The following FBXW7 variants were observed in gnomAD, a reference collection of about 807,000 sequenced individuals.
The protein encoded by FBXW7 is F-box/WD repeat-containing protein 7.
FBXW7 carries 11 observed loss-of-function variants against 86.3 expected under a neutral mutation model. The observed-to-expected ratio is 0.13, with a 90% CI of 0.08 to 0.21. FBXW7 has a LOEUF of 0.21. Ranked by LOEUF, FBXW7 falls within the 10% of genes least tolerant of loss-of-function variation. FBXW7 has a pLI of 1.00. For missense variants in FBXW7, 488 were observed against 847.4 expected (o/e 0.58, Z 5.27); for synonymous variants, 313 against 297.9 (o/e 1.05, Z -0.52).
intron 2 of FBXW7, among the ~76,000 whole-genome samples, chr4:152,445,506 C>T (rs886209625): frequency 6.6e-6 from 1 of 152,112 alleles, no homozygotes; most frequent in African/African-American, 2.4e-5. Flanking sequence ...CTGCTATTTC[C>T]CAGTTGTGTG....
rs573422966 is a variant in FBXW7 at position 152,500,210 on chromosome 4, C to G, written c.-120+34731G>C. On this transcript the variant is annotated intron_variant, in intron 2 of 13. Transcript: ENST00000281708. ...AAGTGAATGGTCACAGTGATAAATC[C>G]ACTCCATCAGTTCTATTTCCTTTAA... Among the ~76,000 whole-genome samples, 5 of 152,150 alleles carry G rather than the reference C, an allele frequency of 3.3e-5. No homozygotes were observed. The East Asian group carries it at 9.7e-4, about 29-fold the overall frequency.
At chr4:152,424,790 T>C (rs1010170545) in intron 2 of FBXW7, among the ~76,000 whole-genome samples, 2 of 152,234 alleles carry the variant, frequency 1.3e-5, no homozygotes, top group Admixed American at 1.3e-4. Context: ...TAGAGTCAGC[T>C]AGTTATTAGG....
chr4:152,535,205 T>G lies in FBXW7; in HGVS notation c.-291A>C, dbSNP rs899992993. ...GGCCACTTCTCCCGGGACAGTCAGG[T>G]TTGGGAGACTCCGGATTTTGTTTTT... On this transcript the variant is annotated 5_prime_UTR_variant, in exon 1 of 14. Coordinates refer to ENST00000281708, the MANE Select transcript of FBXW7 (RefSeq NM_001349798.2). 5 of 164,066 alleles carry G rather than the reference T, an allele frequency of 3.0e-5. No homozygotes were observed. The highest frequency in any genetic ancestry group is 6.6e-5 in the Non-Finnish European group (5 of 76,186). The allele number at this position is 164,066 out of a possible 1,614,324, so 10.2% of individuals were successfully genotyped here.
At chr4:152,341,133 C>G (rs1175849187) in intron 6 of FBXW7, among the ~76,000 whole-genome samples, 2 of 152,234 alleles carry the variant, frequency 1.3e-5, no homozygotes, top group Non-Finnish European at 2.9e-5. Flanking sequence ...CTATTCTCCA[C>G]ACTGTACTCA....
intron 2 of FBXW7, among the ~76,000 whole-genome samples, chr4:152,417,912 G>A (rs1738592258): frequency 6.6e-6 from 1 of 152,106 alleles, no homozygotes; most frequent in Non-Finnish European, 1.5e-5. Context: ...AGGACAATAG[G>A]AGGGTAGTAG....
chr4:152,498,133 G>A (rs1208138478), intron 2 of FBXW7, among the ~76,000 whole-genome samples: 1 of 152,098 alleles, frequency 6.6e-6, no homozygotes, highest in Non-Finnish European at 1.5e-5. Context: ...TAGATACACA[G>A]GTGTTTGTTA....
At chr4:152,357,057 C>T (rs1291535925) in intron 4 of FBXW7, among the ~76,000 whole-genome samples, 2 of 152,054 alleles carry the variant, frequency 1.3e-5, no homozygotes, top group African/African-American at 4.8e-5. Context: ...TTTTTGAGAA[C>T]ATGTAAAATA....
rs140237139 is a variant in FBXW7 at position 152,527,042 on chromosome 4, T to C, written c.-120+7899A>G. Among the ~76,000 whole-genome samples, 26 of 152,374 alleles carry C rather than the reference T, an allele frequency of 1.7e-4. No individual in the cohort carries two copies. In the East Asian group the frequency reaches 4.4e-3, roughly 26 times the overall value. On this transcript the variant is annotated intron_variant, in intron 2 of 13. Transcript: ENST00000281708. ...TATCTACAACACACTTTAAAACAAC[T>C]TTAACTTAATAAATTAACACTGATG...
chr4:152,443,659 G>A (rs1277880311), intron 2 of FBXW7, among the ~76,000 whole-genome samples: 1 of 151,982 alleles, frequency 6.6e-6, no homozygotes, highest in African/African-American at 2.4e-5. Context: ...TTCTACTGCA[G>A]ATTAAAATCC....
At chr4:152,395,518 T>C (rs1026373978) in intron 4 of FBXW7, among the ~76,000 whole-genome samples, 2 of 152,082 alleles carry the variant, frequency 1.3e-5, no homozygotes, top group African/African-American at 2.4e-5. Context: ...AAATCTCAAA[T>C]TCCTTGTGGA....
At chr4:152,413,806 C>T (rs1738194054) in intron 2 of FBXW7, among the ~76,000 whole-genome samples, 1 of 152,012 alleles carries the variant, frequency 6.6e-6, no homozygotes, top group South Asian at 2.1e-4. Context: ...TGACCAGAAC[C>T]CACAGTAAAA....
At chr4:152,336,149 T>A (rs1730077222) in intron 7 of FBXW7, among the ~76,000 whole-genome samples, 1 of 152,076 alleles carries the variant, frequency 6.6e-6, no homozygotes, top group Non-Finnish European at 1.5e-5. Flanking sequence ...TTCTGGTAGT[T>A]GAAAACAAGA....
chr4:152,506,053 G>A (rs1279712196), intron 2 of FBXW7, among the ~76,000 whole-genome samples: 1 of 152,012 alleles, frequency 6.6e-6, no homozygotes, highest in Non-Finnish European at 1.5e-5. Flanking sequence ...AGTAACAACA[G>A]AAAGTGCAGT....
chr4:152,454,055 C>A (rs1253771063), intron 2 of FBXW7, among the ~76,000 whole-genome samples: 1 of 152,150 alleles, frequency 6.6e-6, no homozygotes, highest in South Asian at 2.1e-4. Flanking sequence ...TTCATACTCA[C>A]AAAGTCACTA....
At chr4:152,326,358 G>A (rs1729018911) in intron 11 of FBXW7, 127 bp from the exon 12 acceptor site, 7 of 657,064 alleles carry the variant, frequency 1.1e-5, no homozygotes, top group South Asian at 8.0e-5. Context: ...TTTTTACACA[G>A]CAACAACCAT....
intron 2 of FBXW7, among the ~76,000 whole-genome samples, chr4:152,501,968 G>T (rs1344601014): frequency 6.6e-6 from 1 of 152,100 alleles, no homozygotes; most frequent in South Asian, 2.1e-4. Flanking sequence ...CAAAGAAAAT[G>T]CAAGTAGTTC....
chr4:152,492,189 T>C (rs1745922929), intron 2 of FBXW7, among the ~76,000 whole-genome samples: 1 of 152,230 alleles, frequency 6.6e-6, no homozygotes, highest in South Asian at 2.1e-4. Context: ...GTCAGATTCA[T>C]CCATGTCATG....
intron 4 of FBXW7, among the ~76,000 whole-genome samples, chr4:152,383,132 A>AT (rs1197643398): frequency 6.6e-6 from 1 of 152,172 alleles, no homozygotes; most frequent in Non-Finnish European, 1.5e-5. Context: ...ACTTGAAAGC[A>AT]TAACAGTCAC....
At chr4:152,388,279 GGCCC>G (rs1560837293) in intron 4 of FBXW7, among the ~76,000 whole-genome samples, 1 of 152,014 alleles carries the variant, frequency 6.6e-6, no homozygotes, top group African/African-American at 2.4e-5. Context: ...CAACAAGGGC[GGCCC>G]CTAACTAAGA....
Sources: allele counts gnomAD v4.1 joint callset (sites outside exome capture counted in the v4.1 genomes callset), GRCh38; gene constraint gnomAD v4.1.1; transcripts MANE v1.5; gene names NCBI Gene and HGNC (gene_info 2026-07-23, HGNC 2026-07-21).